Variants in CCNT2 observed in about 807,000 individuals in gnomAD.
The protein encoded by CCNT2 is cyclin-T2.
A neutral mutation model predicts 70.0 loss-of-function variants in CCNT2; 18 were observed. The ratio of observed to expected loss-of-function variants is 0.26; its 90% CI spans 0.18 to 0.38. The LOEUF (loss-of-function observed/expected upper bound fraction) is 0.38, where lower values mean the gene tolerates loss of function less well. Among genes scored for constraint, CCNT2 ranks in the 10% least tolerant of loss-of-function variants. The pLI, the probability that CCNT2 is intolerant of heterozygous loss-of-function variation, is 1.00. For missense variants in CCNT2, 734 were observed against 890.2 expected (o/e 0.82, Z 2.23); for synonymous variants, 334 against 313.3 (o/e 1.07, Z -0.70).
chr2:134,919,746 A>G, intron 1 of CCNT2, 64 bp from the exon 2 acceptor site: 2 of 1,284,166 alleles, frequency 1.6e-6, no homozygotes, highest in East Asian at 2.4e-5. Context: ...GGAATTTTCC[A>G]TCAAAATTGT....
intron 2 of CCNT2, among the ~76,000 whole-genome samples, chr2:134,935,127 G>A (rs1681053537): frequency 6.6e-6 from 1 of 152,196 alleles, no homozygotes; most frequent in Non-Finnish European, 1.5e-5. Context: ...AAAGAACTCT[G>A]TTCTGTGTTC....
chr2:134,947,925 G>A, intron 7 of CCNT2, 26 bp downstream of exon 7: 1 of 1,360,172 alleles, frequency 7.4e-7, no homozygotes. Context: ...AAATTTTTAA[G>A]TTTGGAATTA....
chr2:134,944,325 G>A (rs1462185380), intron 5 of CCNT2: 1 of 974,810 alleles, frequency 1.0e-6, no homozygotes, highest in Admixed American at 6.2e-5. Flanking sequence ...TAAATTAAGA[G>A]CCTATTGAAG....
rs1682876579 is a variant in CCNT2, at chr2:134,955,562, T to TAA, written c.*916_*917dup. ...ATGTGGATTACTGTGATTTGAAAAC[T>TAA]AAATTCACAATAACTTACCTAGTAG... On this transcript the variant is annotated 3_prime_UTR_variant, in exon 9 of 9. Coordinates refer to ENST00000264157, the MANE Select transcript of CCNT2 (RefSeq NM_058241.3). 6.5e-6 allele frequency: 1 copy of TAA among 152,698 alleles called. No individual in the cohort carries two copies. The highest frequency in any genetic ancestry group is 2.4e-5 in the African/African-American group (1 of 41,482). The allele number at this position is 152,698 out of a possible 1,614,324, so 9.5% of individuals were successfully genotyped here.
rs1324685753 is a variant in CCNT2, at chr2:134,919,817, C to T, written c.166C>T (p.Leu56Phe). Residue 56 changes from leucine to phenylalanine, a missense_variant, in exon 2 of 9, where the codon CTT becomes TTT. By Grantham distance (22) the Leu-to-Phe change is conservative. Transcript: ENST00000264157. ...CTAAATATTACGTTCCAGCTCTCAG[C>T]TTACAATAAACACTGCGATTGTTTA... Reference protein sequence around the residue: ...EMGQRLNVSQLTINTAIVYMH... With the variant: ...EMGQRLNVSQFTINTAIVYMH... The T allele has an allele frequency of 6.2e-7, 1 of 1,608,972 alleles. No individual in the cohort carries two copies. The highest frequency in any genetic ancestry group is 8.5e-7 in the Non-Finnish European group (1 of 1,177,148).
At chr2:134,945,187 A>G in intron 5 of CCNT2, 1 of 985,446 alleles carries the variant, frequency 1.0e-6, no homozygotes, top group Non-Finnish European at 1.2e-6. Flanking sequence ...CACATGGGGC[A>G]GCAGGGATTA....
chr2:134,946,682 CTT>C (rs35187705), intron 6 of CCNT2, among the ~76,000 whole-genome samples: 3,150 of 139,898 alleles, frequency 0.023, 108 homozygotes, highest in East Asian at 0.14. Context: ...ACAATTTTTC[CTT>C]TTTTTTTTTT....
chr2:134,945,180 A>G, intron 5 of CCNT2: 1 of 985,420 alleles, frequency 1.0e-6, no homozygotes, highest in Non-Finnish European at 1.2e-6. Context: ...GATGATCCAC[A>G]TGGGGCAGCA....
chr2:134,936,151 C>CT (rs10712483), intron 2 of CCNT2, among the ~76,000 whole-genome samples: 2,915 of 124,826 alleles, frequency 0.023, 45 homozygotes, highest in African/African-American at 0.046. Context: ...CGCTTTTCAT[C>CT]TTTTTTTTTT....
rs1236285013 is a variant in CCNT2, at chr2:134,954,416, A to G, written c.1961A>G (p.Tyr654Cys). The G allele has an allele frequency of 6.2e-7, 1 of 1,613,970 alleles. No homozygotes were observed. The change falls in exon 9 of 9, where the codon TAT becomes TGT. Residue 654 changes from tyrosine to cysteine, a missense_variant. Transcript: ENST00000264157. ...AGTTCTTCCTCCTCTGTTAAGCAGT[A>G]TATATCCTCTCACAACTCTGTTTTT... Reference protein sequence around the residue: ...SSSSSSSVKQYISSHNSVFNH... With the variant: ...SSSSSSSVKQCISSHNSVFNH...
At position 134,958,078 on chromosome 2, in the gene CCNT2, A is replaced by C. The variant is rs1683027522; in HGVS notation, c.*3430A>C. 1 of 152,194 alleles carries C rather than the reference A, an allele frequency of 6.6e-6. No individual in the cohort carries two copies. Among genetic ancestry groups the C allele is most frequent in the South Asian group, 2.1e-4 (1 of 4,826 alleles). The allele number at this position is 152,194 out of a possible 1,614,324, so 9.4% of individuals were successfully genotyped here. ...TTAAATTGCTGACTTGTATTCGTTA[A>C]GCAACCTTAGAAATAAACCACTGCT... On this transcript the variant is annotated 3_prime_UTR_variant, in exon 9 of 9. Transcript: ENST00000264157.
At chr2:134,924,519 G>A (rs1230634414) in intron 2 of CCNT2, among the ~76,000 whole-genome samples, 1 of 151,938 alleles carries the variant, frequency 6.6e-6, no homozygotes, top group Admixed American at 6.6e-5. Context: ...GTGCAATCTC[G>A]GCTCGCTGCA....
chr2:134,941,671 T>C (rs1371459661), intron 4 of CCNT2, among the ~76,000 whole-genome samples: 1 of 152,202 alleles, frequency 6.6e-6, no homozygotes, highest in Admixed American at 6.5e-5. Flanking sequence ...ATTATATAAA[T>C]TTCATTTAAG....
chr2:134,950,281 A>G (rs558846815), intron 7 of CCNT2, among the ~76,000 whole-genome samples: 6 of 152,134 alleles, frequency 3.9e-5, no homozygotes, highest in Non-Finnish European at 7.4e-5. Flanking sequence ...TTGGAGAGCA[A>G]TTGAATAGGA....
At chr2:134,946,642 A>G (rs1681992317) in intron 6 of CCNT2, among the ~76,000 whole-genome samples, 1 of 151,788 alleles carries the variant, frequency 6.6e-6, no homozygotes, top group African/African-American at 2.4e-5. Flanking sequence ...AAAGTAGTCA[A>G]GTCCTATCCA....
At chr2:134,936,168 A>C (rs1371102116) in intron 2 of CCNT2, among the ~76,000 whole-genome samples, 1 of 141,076 alleles carries the variant, frequency 7.1e-6, no homozygotes, top group African/African-American at 2.6e-5. Flanking sequence ...TTTTTTTTTC[A>C]GGTATAGCAT....
chr2:134,954,048 T>C lies in CCNT2; in HGVS notation c.1593T>C (p.Ser531=), dbSNP rs746647418. 6.2e-7 allele frequency: 1 copy of C among 1,614,098 alleles called. No homozygotes were observed. Among genetic ancestry groups the C allele is most frequent in the South Asian group, 1.1e-5 (1 of 91,080 alleles). Residue 531 remains serine, a synonymous_variant, in exon 9 of 9, where the codon TCT becomes TCC. Coordinates refer to ENST00000264157, the MANE Select transcript of CCNT2 (RefSeq NM_058241.3). ...TGAAAATGAAAATAAAAGTTTCTTCTTCAGAAAGACACAGCTCTTCTGATG... is the reference window on the plus strand; with the variant it reads ...TGAAAATGAAAATAAAAGTTTCTTCCTCAGAAAGACACAGCTCTTCTGATG... ...EELKMKIKVS[S]SERHSSSDEG...
intron 2 of CCNT2, among the ~76,000 whole-genome samples, chr2:134,921,014 A>C (rs1042187130): frequency 6.6e-6 from 1 of 152,180 alleles, no homozygotes; most frequent in Non-Finnish European, 1.5e-5. Context: ...TTAAATCTGC[A>C]TAATTCTTGC....
At chr2:134,946,373 C>T (rs1681965821) in intron 6 of CCNT2, 4 of 1,261,036 alleles carry the variant, frequency 3.2e-6, no homozygotes, top group Non-Finnish European at 4.0e-6. Context: ...GACATATTCT[C>T]GATTTGTGAG....
Sources: allele counts gnomAD v4.1 joint callset (sites outside exome capture counted in the v4.1 genomes callset), GRCh38; gene constraint gnomAD v4.1.1; transcripts MANE v1.5; gene names NCBI Gene and HGNC (gene_info 2026-07-23, HGNC 2026-07-21).